The following SORCS2 variants were observed in gnomAD, a reference collection of about 807,000 sequenced individuals.
SORCS2 encodes VPS10 domain-containing receptor SorCS2.
In SORCS2, 100 loss-of-function variants were observed where a neutral mutation model predicts 141.6. That is an observed-to-expected ratio of 0.71 (90% confidence interval 0.60 to 0.83). The LOEUF (loss-of-function observed/expected upper bound fraction) is 0.83, where lower values mean the gene tolerates loss of function less well. Ranked by LOEUF, SORCS2 falls within the 40% of genes least tolerant of loss-of-function variation. The pLI is 0.00. For synonymous variants in SORCS2, 789 were observed against 676.9 expected, an observed-to-expected ratio of 1.17 and a Z score of -2.57; for missense variants, 1,646 against 1,560.2, an observed-to-expected ratio of 1.05 and a Z score of -0.93.
At chr4:7,385,613 G>A (rs11735515) in intron 1 of SORCS2, among the ~76,000 whole-genome samples, 78,135 of 152,074 alleles carry the variant, frequency 0.51, 21,170 homozygotes, top group Non-Finnish European at 0.61. Context: ...GGGGTCTGAC[G>A]CCCTGCCCCA....
At chr4:7,317,251 A>T (rs995099724) in intron 1 of SORCS2, among the ~76,000 whole-genome samples, 1 of 152,124 alleles carries the variant, frequency 6.6e-6, no homozygotes, top group Non-Finnish European at 1.5e-5. Flanking sequence ...GGCTATGGGA[A>T]CCCAGATGAG....
At chr4:7,279,454 G>A (rs1402841987) in intron 1 of SORCS2, among the ~76,000 whole-genome samples, 1 of 152,202 alleles carries the variant, frequency 6.6e-6, no homozygotes, top group Non-Finnish European at 1.5e-5. Flanking sequence ...CCACTGGGCT[G>A]GTCTCATGCT....
intron 1 of SORCS2, among the ~76,000 whole-genome samples, chr4:7,220,061 C>G (rs894490355): frequency 2.0e-5 from 3 of 152,172 alleles, no homozygotes; most frequent in Admixed American, 6.5e-5. Context: ...CAACAGCTGC[C>G]GACTGACCCC....
rs199714956 is a variant in SORCS2 at position 7,733,389 on chromosome 4, G to A, written c.3176G>A (p.Arg1059Gln). 7.7e-5 allele frequency: 122 copies of A among 1,592,170 alleles called. No homozygotes were observed. The highest frequency in any genetic ancestry group is 3.8e-4 in the African/African-American group (28 of 74,630). The change falls in exon 24 of 27, where the codon CGG becomes CAG. Residue 1059 changes from arginine (R) to glutamine (Q), a missense_variant. Physicochemically the swap from Arg to Gln is conservative, Grantham distance 43 (BLOSUM62 1). Transcript: ENST00000507866. ...KISFLLRGGV[R>Q]VLVALRDTGT... ...AGCTTCCTCCTGCGAGGCGGAGTCC[G>A]GGTCCTGGTGGCCCTGCGGGACACA...
intron 17 of SORCS2, among the ~76,000 whole-genome samples, 167 bp from the exon 18 acceptor site, chr4:7,717,845 C>G (rs1157782238): frequency 6.6e-6 from 1 of 152,206 alleles, no homozygotes; most frequent in Non-Finnish European, 1.5e-5. Context: ...GGGGCTGTAA[C>G]AGCAATCAGG....
chr4:7,355,079 G>A (rs1003575751), intron 1 of SORCS2, among the ~76,000 whole-genome samples: 1 of 152,136 alleles, frequency 6.6e-6, no homozygotes, highest in African/African-American at 2.4e-5. Context: ...TGTTGGTCCA[G>A]CTAATGATGT....
intron 1 of SORCS2, among the ~76,000 whole-genome samples, chr4:7,380,950 C>T (rs532565461): frequency 4.6e-5 from 7 of 152,118 alleles, no homozygotes; most frequent in South Asian, 4.2e-4. Context: ...GGTGTGGTGG[C>T]AGGTGCCTGT....
intron 3 of SORCS2, among the ~76,000 whole-genome samples, chr4:7,575,683 G>T (rs1018655930): frequency 1.3e-5 from 2 of 152,228 alleles, no homozygotes; most frequent in Non-Finnish European, 1.5e-5. Flanking sequence ...ACCACACGTG[G>T]CTGGGAGCCG....
At position 7,663,796 on chromosome 4, in the gene SORCS2, C is replaced by T. The variant is rs1300581698; in HGVS notation, c.953-557C>T. 6.6e-6 allele frequency among the ~76,000 whole-genome samples: 1 copy of T among 152,160 alleles called. No homozygotes were observed. Among genetic ancestry groups the T allele is most frequent in the Non-Finnish European group, 1.5e-5 (1 of 68,024 alleles). On this transcript the variant is annotated intron_variant, in intron 6 of 26. Transcript: ENST00000507866. This position sits in a 1 kb window ranked among gnomAD's most constrained non-coding sequence, Gnocchi z 4.8. ...CCTTGGATAAATCTTCCTCCTGGCT[C>T]ACAAGCTGGAACGCAGAGCTTCCTG...
chr4:7,330,977 G>C (rs745370221), intron 1 of SORCS2, among the ~76,000 whole-genome samples: 1 of 152,146 alleles, frequency 6.6e-6, no homozygotes, highest in African/African-American at 2.4e-5. Flanking sequence ...GCGAGGGAGA[G>C]GAATGTGGGT....
At chr4:7,215,889 C>A (rs548013462) in intron 1 of SORCS2, among the ~76,000 whole-genome samples, 47,747 of 151,316 alleles carry the variant, frequency 0.32, 8,217 homozygotes, top group Non-Finnish European at 0.39. Flanking sequence ...ACAGGCCACT[C>A]AGCTCTACCA....
At chr4:7,439,930 A>T (rs2109255102) in intron 2 of SORCS2, among the ~76,000 whole-genome samples, 1 of 152,192 alleles carries the variant, frequency 6.6e-6, no homozygotes, top group African/African-American at 2.4e-5. Context: ...TGCTGAGCAG[A>T]TTCCCCAGGA....
intron 2 of SORCS2, among the ~76,000 whole-genome samples, chr4:7,456,182 G>A (rs77428915): frequency 0.03 from 4,525 of 152,206 alleles, 252 homozygotes; most frequent in African/African-American, 0.1. Flanking sequence ...GTCCTCATTT[G>A]ACCTTAGTTA....
intron 1 of SORCS2, among the ~76,000 whole-genome samples, chr4:7,389,662 C>T (rs761643015): frequency 1.3e-5 from 2 of 151,866 alleles, no homozygotes; most frequent in East Asian, 1.9e-4. Flanking sequence ...ACAGGGTGGT[C>T]AGGGAAGGCT....
At chr4:7,358,295 C>T (rs535618148) in intron 1 of SORCS2, among the ~76,000 whole-genome samples, 74 of 152,332 alleles carry the variant, frequency 4.9e-4, no homozygotes, top group South Asian at 1.7e-3. Context: ...ACATGATCAC[C>T]GATTCTAACA....
chr4:7,194,809 A>G (rs1211159859), intron 1 of SORCS2, among the ~76,000 whole-genome samples: 1 of 152,210 alleles, frequency 6.6e-6, no homozygotes, highest in Non-Finnish European at 1.5e-5. Flanking sequence ...TCAAAGGACC[A>G]CATAAATACA....
intron 1 of SORCS2, among the ~76,000 whole-genome samples, chr4:7,247,561 T>G (rs1043963267): frequency 1.3e-5 from 2 of 152,244 alleles, no homozygotes; most frequent in Non-Finnish European, 2.9e-5. Flanking sequence ...TGAGGACTAT[T>G]CCTGTGCGTT....
chr4:7,609,745 A>G (rs1444376537), intron 3 of SORCS2, among the ~76,000 whole-genome samples: 1 of 152,060 alleles, frequency 6.6e-6, no homozygotes, highest in Non-Finnish European at 1.5e-5. Flanking sequence ...CACCGCCCCC[A>G]TGACCCGGGA....
chr4:7,726,987 C>G, intron 21 of SORCS2, 84 bp downstream of exon 21: 1 of 1,422,672 alleles, frequency 7.0e-7, no homozygotes, highest in Non-Finnish European at 9.5e-7. Context: ...TCGCGTAAGC[C>G]ATGGATGTCC....
Sources: gnomAD v4.1 joint callset for allele counts (sites outside exome capture counted in the v4.1 genomes callset) on GRCh38, gnomAD v4.1.1 for gene constraint, Gnocchi (gnomAD v3.1) non-coding constraint, MANE v1.5 for transcripts, NCBI Gene and HGNC (gene_info 2026-07-23, HGNC 2026-07-21) for gene names.